Variants in BBS9 observed in about 807,000 individuals in gnomAD.
The protein encoded by BBS9 is Bardet-Biedl syndrome 9.
BBS9 carries 89 observed loss-of-function variants against 117.7 expected under a neutral mutation model. The ratio of observed to expected loss-of-function variants is 0.76; its 90% CI spans 0.64 to 0.90. The LOEUF (loss-of-function observed/expected upper bound fraction) is 0.90. Ranked by LOEUF, BBS9 falls within the 40% of genes least tolerant of loss-of-function variation. The pLI is 0.00. For missense variants in BBS9, 982 were observed against 1,042.2 expected (o/e 0.94, Z 0.80); for synonymous variants, 379 against 370.9 (o/e 1.02, Z -0.25).
At chr7:33,176,348 A>C (rs1157117491) in intron 4 of BBS9, among the ~76,000 whole-genome samples, 1 of 152,174 alleles carries the variant, frequency 6.6e-6, no homozygotes, top group Non-Finnish European at 1.5e-5. Flanking sequence ...AAGTTGTTAA[A>C]TGGTGGACAA....
rs569123584 is a variant in BBS9, at chr7:33,528,217, G to A, written c.2299-5737G>A. 6.6e-4 allele frequency among the ~76,000 whole-genome samples: 100 copies of A among 151,874 alleles called. 2 individuals carry two copies. The South Asian group carries it at 0.018, about 28-fold the overall frequency. On this transcript the variant is annotated intron_variant, in intron 20 of 22. Transcript: ENST00000242067. ...ATGAATATGATATGAAGGTTGTTTCGCCTTCATATATGCAATGCAACATGG... is the reference window on the plus strand; with the variant it reads ...ATGAATATGATATGAAGGTTGTTTCACCTTCATATATGCAATGCAACATGG...
intron 5 of BBS9, 49 bp from the exon 6 acceptor site, chr7:33,257,187 A>G: frequency 2.4e-6 from 3 of 1,264,714 alleles, no homozygotes; most frequent in South Asian, 3.0e-5. Flanking sequence ...TAAAAATATT[A>G]TATTTATAAA....
At chr7:33,461,139 A>G (rs1334654120) in intron 19 of BBS9, among the ~76,000 whole-genome samples, 1 of 151,888 alleles carries the variant, frequency 6.6e-6, no homozygotes, top group Non-Finnish European at 1.5e-5. Context: ...TCATTTATTG[A>G]TGGATATTTG....
chr7:33,425,794 T>C (rs1271057567), intron 19 of BBS9, among the ~76,000 whole-genome samples: 1 of 152,208 alleles, frequency 6.6e-6, no homozygotes, highest in Non-Finnish European at 1.5e-5. Context: ...TGCTGTATTT[T>C]ATTTTAGTGT....
At position 33,336,636 on chromosome 7, in the gene BBS9, A is replaced by AGCTTTTTAT; in HGVS notation, c.1198+15_1198+23dup. 2 of 1,556,610 alleles carry AGCTTTTTAT rather than the reference A, an allele frequency of 1.3e-6. No individual in the cohort carries two copies. Among genetic ancestry groups the AGCTTTTTAT allele is most frequent in the Non-Finnish European group, 1.8e-6 (2 of 1,133,228 alleles). On this transcript the variant is annotated intron_variant, in intron 10 of 22. Transcript: ENST00000242067. ...ACAAATCACAAGGTATCTCATTTGC[A>AGCTTTTTAT]GCTTTTTATTATTTTAGTATTCATT... is the stretch of plus-strand genomic sequence containing the variant.
chr7:33,597,730 C>G (rs1863087386), intron 21 of BBS9, among the ~76,000 whole-genome samples: 1 of 151,960 alleles, frequency 6.6e-6, no homozygotes, highest in South Asian at 2.1e-4. Flanking sequence ...AGGAGGGGAA[C>G]CTGCACTAGC....
chr7:33,529,600 T>C (rs1850244829), intron 20 of BBS9, among the ~76,000 whole-genome samples: 2 of 151,956 alleles, frequency 1.3e-5, no homozygotes. Context: ...CTCCCTTCCC[T>C]TCCCTCCCCT....
In BBS9 at chr7:33,374,413, C is replaced by T. The variant is rs78628818; in HGVS notation, c.1789+6551C>T. ...GTCAACTGATGCCCACCTCATGCCCCGAGAATAGTTTAACTTATACAGTGA... is the reference window on the plus strand; with the variant it reads ...GTCAACTGATGCCCACCTCATGCCCTGAGAATAGTTTAACTTATACAGTGA... On this transcript the variant is annotated intron_variant, in intron 17 of 22. Transcript: ENST00000242067. Among the ~76,000 whole-genome samples, 912 of 151,870 alleles carry T rather than the reference C, an allele frequency of 6.0e-3. 13 individuals are homozygous for T. Among genetic ancestry groups the T allele is most frequent in the African/African-American group, 0.021 (873 of 41,418 alleles).
At chr7:33,147,269 G>T (rs10275544) in intron 2 of BBS9, among the ~76,000 whole-genome samples, 1 of 151,204 alleles carries the variant, frequency 6.6e-6, no homozygotes. Flanking sequence ...TTTTTTTTGT[G>T]ATCTAGTCAT....
chr7:33,633,518 T>C (rs1487507224), intron 21 of BBS9, among the ~76,000 whole-genome samples: 2 of 150,316 alleles, frequency 1.3e-5, no homozygotes, highest in Non-Finnish European at 3.0e-5. Context: ...TTCTTTTTTT[T>C]TTTTTTTTTT....
chr7:33,298,836 C>T (rs537899952), intron 9 of BBS9, among the ~76,000 whole-genome samples: 1 of 152,246 alleles, frequency 6.6e-6, no homozygotes, highest in African/African-American at 2.4e-5. Context: ...AACTGTAGTC[C>T]ACATAGAGGC....
intron 19 of BBS9, among the ~76,000 whole-genome samples, chr7:33,465,947 A>G (rs1840094901): frequency 6.6e-6 from 1 of 152,198 alleles, no homozygotes; most frequent in African/African-American, 2.4e-5. Context: ...GTTGATATAA[A>G]TCAAGGAAGA....
chr7:33,560,326 C>T (rs1219334200), intron 21 of BBS9, among the ~76,000 whole-genome samples: 4 of 142,688 alleles, frequency 2.8e-5, no homozygotes, highest in Admixed American at 1.4e-4. Context: ...GATAACCAAA[C>T]TTACTTTAGT....
At chr7:33,471,682 A>G (rs201559574) in intron 19 of BBS9, among the ~76,000 whole-genome samples, 2 of 152,220 alleles carry the variant, frequency 1.3e-5, no homozygotes, top group African/African-American at 2.4e-5. Context: ...ATAGAGCCCA[A>G]CAGCCACGCT....
At position 33,273,208 on chromosome 7, in the gene BBS9, AT is replaced by A. The variant is rs774382014; in HGVS notation, c.886+17del. The A allele has an allele frequency of 5.0e-6, 8 of 1,613,250 alleles. No individual in the cohort carries two copies. In the Middle Eastern group the frequency reaches 9.9e-4, roughly 200 times the overall value. On this transcript the variant is annotated intron_variant, in intron 8 of 22. Transcript: ENST00000242067. ...CCATATTGCTCAGGTGTGTAGAAAG[AT>A]TTTCTTTTATCTCTTCCATATGTCA...
chr7:33,628,041 A>G (rs1865722987), intron 21 of BBS9, among the ~76,000 whole-genome samples: 1 of 152,188 alleles, frequency 6.6e-6, no homozygotes. Context: ...TAAACTTGTA[A>G]TTTAAAAACG....
At chr7:33,494,237 AG>A (rs1844414454) in intron 19 of BBS9, among the ~76,000 whole-genome samples, 2 of 152,180 alleles carry the variant, frequency 1.3e-5, no homozygotes, top group South Asian at 4.1e-4. Context: ...TGTAGAGTAC[AG>A]GGGTGCAGAT....
intron 9 of BBS9, among the ~76,000 whole-genome samples, chr7:33,299,716 C>CTAAG (rs1216728395): frequency 6.6e-6 from 1 of 151,776 alleles, no homozygotes; most frequent in African/African-American, 2.4e-5. Context: ...AGGCACTGGG[C>CTAAG]TAAGCCCTTA....
intron 5 of BBS9, among the ~76,000 whole-genome samples, chr7:33,248,071 A>G (rs2128295619): frequency 6.6e-6 from 1 of 152,356 alleles, no homozygotes; most frequent in South Asian, 2.1e-4. Flanking sequence ...TAAAATGTCA[A>G]AAGACAAGTT....
Sources: gnomAD v4.1 joint callset for allele counts (sites outside exome capture counted in the v4.1 genomes callset) on GRCh38, gnomAD v4.1.1 for gene constraint, MANE v1.5 for transcripts, NCBI Gene and HGNC (gene_info 2026-07-23, HGNC 2026-07-21) for gene names.